The following TRAPPC2 variants were observed in gnomAD, a reference collection of about 807,000 sequenced individuals.
TRAPPC2 encodes trafficking protein particle complex subunit 2.
In TRAPPC2, 4 loss-of-function variants were observed where a neutral mutation model predicts 10.0. The ratio of observed to expected loss-of-function variants is 0.40; its 90% CI spans 0.20 to 0.92. The LOEUF (loss-of-function observed/expected upper bound fraction) is 0.92. Among genes scored for constraint, TRAPPC2 ranks in the 40% least tolerant of loss-of-function variants. TRAPPC2 has a pLI of 0.35. For missense variants in TRAPPC2, 52 were observed against 108.7 expected (o/e 0.48, Z 2.32); for synonymous variants, 36 against 37.3 (o/e 0.97, Z 0.12).
At chrX:13,723,464 G>A (rs769317086) in intron 2 of TRAPPC2, among the ~76,000 whole-genome samples, 18 of 111,627 alleles carry the variant, frequency 1.6e-4, no homozygotes, top group East Asian at 8.5e-4. Context: ...CACCATGCCC[G>A]GCCTGATTCC....
chrX:13,722,591 A>G (rs1369550657), intron 2 of TRAPPC2, among the ~76,000 whole-genome samples: 1 of 111,789 alleles, frequency 8.9e-6, no homozygotes. Flanking sequence ...CTGGGAGAAA[A>G]TGACCTCATT....
chrX:13,715,160 C>A (rs913409626), intron 5 of TRAPPC2, among the ~76,000 whole-genome samples: 1 of 112,788 alleles, frequency 8.9e-6, no homozygotes, highest in Non-Finnish European at 1.9e-5. Context: ...TGTCCAAATA[C>A]AGAACTTATT....
At chrX:13,719,292 C>T (rs2046360237) in intron 3 of TRAPPC2, among the ~76,000 whole-genome samples, 1 of 110,715 alleles carries the variant, frequency 9.0e-6, no homozygotes, top group African/African-American at 3.3e-5. Context: ...AATATGTCCT[C>T]GAGCTAAGCT....
At chrX:13,734,216 A>G (rs1347920450) in intron 1 of TRAPPC2, 31 bp from the exon 2 acceptor site, 1 of 454,607 alleles carries the variant, frequency 2.2e-6, no homozygotes, top group East Asian at 3.8e-5. Context: ...GATACAGCTA[A>G]ACCTACAATG....
At chrX:13,722,148 C>T (rs962300953) in intron 2 of TRAPPC2, 1 of 91,596 alleles carries the variant, frequency 1.1e-5, no homozygotes, top group East Asian at 3.5e-4. Flanking sequence ...GACTAGATTT[C>T]AGAGCTGGAG....
intron 3 of TRAPPC2, among the ~76,000 whole-genome samples, chrX:13,719,573 C>T (rs763286937): frequency 5.4e-5 from 6 of 112,070 alleles, no homozygotes; most frequent in South Asian, 3.7e-4. Flanking sequence ...TATTTCAAGG[C>T]GGCAATCCAC....
At chrX:13,731,282 C>T (rs895777709) in intron 2 of TRAPPC2, among the ~76,000 whole-genome samples, 11 of 111,951 alleles carry the variant, frequency 9.8e-5, no homozygotes, top group African/African-American at 3.3e-4. Flanking sequence ...TAACAGGGTA[C>T]ATTCAGAGCG....
intron 2 of TRAPPC2, among the ~76,000 whole-genome samples, chrX:13,726,066 A>C (rs1216809849): frequency 9.2e-6 from 1 of 108,127 alleles, no homozygotes; most frequent in South Asian, 3.9e-4. Context: ...AGAAAAAAGA[A>C]TAAAAAGAAA....
chrX:13,720,332 C>G, intron 2 of TRAPPC2: 1 of 124,653 alleles, frequency 8.0e-6, no homozygotes, highest in Admixed American at 8.8e-5. Flanking sequence ...TGGACTGGAC[C>G]AGTTAGTAGC....
chrX:13,732,793 A>G (rs988808860), intron 2 of TRAPPC2, among the ~76,000 whole-genome samples: 1 of 112,381 alleles, frequency 8.9e-6, no homozygotes, highest in Non-Finnish European at 1.9e-5. Flanking sequence ...AAACTCATGG[A>G]CTCCAGTTCC....
chrX:13,732,370 A>T lies in TRAPPC2; in HGVS notation c.-20+1674T>A, dbSNP rs774846088. ...GGGTGGAAAGGGAGTGGGGTACAGC[A>T]CAGTACTATCTTTAAATACGATAAG... On this transcript the variant is annotated intron_variant, in intron 2 of 5. Coordinates refer to ENST00000380579, the MANE Select transcript of TRAPPC2 (RefSeq NM_001011658.4). 1.5e-3 allele frequency among the ~76,000 whole-genome samples: 168 copies of T among 112,221 alleles called. 1 individual carries two copies. Among genetic ancestry groups the T allele is most frequent in the African/African-American group, 5.3e-3 (163 of 30,899 alleles).
At chrX:13,718,205 T>C (rs1350797710) in intron 3 of TRAPPC2, among the ~76,000 whole-genome samples, 1 of 113,218 alleles carries the variant, frequency 8.8e-6, no homozygotes, top group Non-Finnish European at 1.9e-5. Context: ...CTGAGACGGC[T>C]TCCTTGCCAA....
chrX:13,715,943 T>G, intron 5 of TRAPPC2, 61 bp downstream of exon 5: 1 of 1,125,190 alleles, frequency 8.9e-7, no homozygotes. Flanking sequence ...AATAGGCCAG[T>G]TTCCTGACAA....
chrX:13,723,674 G>A, intron 2 of TRAPPC2, among the ~76,000 whole-genome samples: 1 of 111,440 alleles, frequency 9.0e-6, no homozygotes, highest in Admixed American at 9.6e-5. Flanking sequence ...TCCAAGAGAG[G>A]CTTGGCCCAG....
chrX:13,718,886 TG>T (rs2046350775), intron 3 of TRAPPC2, among the ~76,000 whole-genome samples: 1 of 111,589 alleles, frequency 9.0e-6, no homozygotes, highest in Non-Finnish European at 1.9e-5. Flanking sequence ...CCAGGTGTAG[TG>T]GCTCATGTCT....
At chrX:13,718,255 G>A (rs1197138398) in intron 3 of TRAPPC2, among the ~76,000 whole-genome samples, 1 of 113,156 alleles carries the variant, frequency 8.8e-6, no homozygotes, top group Non-Finnish European at 1.9e-5. Flanking sequence ...AGGGCGGCCC[G>A]TTGCCGTGGA....
At chrX:13,730,177 C>G (rs146773482) in intron 2 of TRAPPC2, among the ~76,000 whole-genome samples, 1,191 of 109,467 alleles carry the variant, frequency 0.011, 20 homozygotes, top group African/African-American at 0.038. Context: ...ACCCATCTGA[C>G]GAAGGGCTAA....
At chrX:13,727,341 A>G (rs143432448) in intron 2 of TRAPPC2, among the ~76,000 whole-genome samples, 1,578 of 112,343 alleles carry the variant, frequency 0.014, 30 homozygotes, top group African/African-American at 0.048. Context: ...AATTGACTAC[A>G]TAATTGGAAG....
rs369815878 is a variant in TRAPPC2 at position 13,729,131 on chromosome X, A to G, written c.-20+4913T>C. Among the ~76,000 whole-genome samples the G allele has an allele frequency of 6.2e-5, 7 of 112,137 alleles. No individual in the cohort carries two copies. The East Asian group carries it at 8.3e-4, about 13-fold the overall frequency. On this transcript the variant is annotated intron_variant, in intron 2 of 5. Coordinates refer to ENST00000380579, the MANE Select transcript of TRAPPC2 (RefSeq NM_001011658.4). ...ACAAATGGAAGAACATTCCATGCTC[A>G]TGGATAGGAAGAATCAATATCATGA...
Sources: allele counts gnomAD v4.1 joint callset (sites outside exome capture counted in the v4.1 genomes callset), GRCh38; gene constraint gnomAD v4.1.1; transcripts MANE v1.5; gene names NCBI Gene and HGNC (gene_info 2026-07-23, HGNC 2026-07-21).